The following CELF5 variants were observed in gnomAD, a reference collection of about 807,000 sequenced individuals.
CELF5 encodes the protein CUG-BP and ETR-3 like factor 5.
In CELF5, 6 loss-of-function variants were observed where a neutral mutation model predicts 54.9. That is an observed-to-expected ratio of 0.11 (90% CI 0.06 to 0.22). The LOEUF is 0.22. CELF5 is among the 10% of genes least tolerant of loss of function. The probability of loss-of-function intolerance (pLI) is 1.00; values close to 1 mark genes in which losing one functional copy is unlikely to be tolerated. For synonymous variants in CELF5, 271 were observed against 290.9 expected (o/e 0.93, Z 0.70); for missense variants, 401 against 678.6 (o/e 0.59, Z 4.54).
At chr19:3,249,319 C>T (rs2079615253) in intron 1 of CELF5, among the ~76,000 whole-genome samples, 1 of 152,184 alleles carries the variant, frequency 6.6e-6, no homozygotes, top group Admixed American at 6.5e-5. Flanking sequence ...ATCCCTACCC[C>T]ACCTTGGGGA....
intron 1 of CELF5, among the ~76,000 whole-genome samples, chr19:3,244,239 C>A (rs1555718803): frequency 6.6e-6 from 1 of 151,986 alleles, no homozygotes; most frequent in Non-Finnish European, 1.5e-5. Flanking sequence ...GAGCATGCGT[C>A]TGTGTGTGGC....
Position 3,283,700 on chromosome 19 carries a change from C to T in CELF5, c.1039+1202C>T, listed in dbSNP as rs565513401. Reference sequence around the variant, plus strand: ...AGTTACCAAAATACCACAGAGCAGTCCCAGGTACCCTTCACACAGCTTCCC... The same window carrying T: ...AGTTACCAAAATACCACAGAGCAGTTCCAGGTACCCTTCACACAGCTTCCC... On this transcript the variant is annotated intron_variant, in intron 8 of 12. Transcript: ENST00000292672. Among the ~76,000 whole-genome samples the T allele has an allele frequency of 2.0e-5, 3 of 152,198 alleles. No homozygotes were observed. The East Asian group carries it at 5.8e-4, about 29-fold the overall frequency.
chr19:3,287,597 G>A (rs377547444), intron 10 of CELF5, among the ~76,000 whole-genome samples: 21 of 149,906 alleles, frequency 1.4e-4, no homozygotes, highest in Non-Finnish European at 2.2e-4. Context: ...AAATAAAAAC[G>A]AGGAAAGCTG....
Position 3,228,652 on chromosome 19 carries a change from G to A in CELF5, c.259+3654G>A, listed in dbSNP as rs908021518. 2.6e-5 allele frequency among the ~76,000 whole-genome samples: 4 copies of A among 151,368 alleles called. No homozygotes were observed. The highest frequency in any genetic ancestry group is 9.7e-5 in the African/African-American group (4 of 41,232). ...CCGGCGGGGGCCCGGGTGGGGGCCC[G>A]CGGTTTCCATGGGAGCACCAGCTGC... On this transcript the variant is annotated intron_variant, in intron 1 of 12. Transcript: ENST00000292672. This position sits in a 1 kb window ranked among gnomAD's most constrained non-coding sequence, Gnocchi z 6.0.
intron 10 of CELF5, 105 bp from the exon 11 acceptor site, chr19:3,290,126 G>T: frequency 1.2e-6 from 1 of 837,496 alleles, no homozygotes; most frequent in South Asian, 1.6e-5. Flanking sequence ...CCCCTCTCCC[G>T]ACAGCTGGAG....
In CELF5 at chr19:3,278,493, G is replaced by A. The variant is rs532679181; in HGVS notation, c.603+383G>A. On this transcript the variant is annotated intron_variant, in intron 5 of 12. Coordinates refer to ENST00000292672, the MANE Select transcript of CELF5 (RefSeq NM_021938.4). This position sits in a 1 kb window ranked among gnomAD's most constrained non-coding sequence, Gnocchi z 4.5. Reference sequence around the variant, plus strand: ...AGTGTTATGTGAGTGCTGTGTGCACGAGGGGTGTGCGTAAATATGTATGGA... The same window carrying A: ...AGTGTTATGTGAGTGCTGTGTGCACAAGGGGTGTGCGTAAATATGTATGGA... Among the ~76,000 whole-genome samples the A allele has an allele frequency of 6.6e-6, 1 of 152,160 alleles. No individual in the cohort carries two copies. The highest frequency in any genetic ancestry group is 2.4e-5 in the African/African-American group (1 of 41,504).
At chr19:3,279,648 G>A (rs1030400904) in intron 5 of CELF5, among the ~76,000 whole-genome samples, 2 of 151,624 alleles carry the variant, frequency 1.3e-5, no homozygotes, top group African/African-American at 4.9e-5. Flanking sequence ...CCCCAGAGTC[G>A]GGGTGTGGGC....
In CELF5 at chr19:3,281,472, C is replaced by T. The variant is rs576731852; in HGVS notation, c.750+127C>T. ...GGGTCCTCTCCTGGCGTGGCTGAAC[C>T]CCAACTCCAAATTGAGACCAAGCTC... On this transcript the variant is annotated intron_variant, in intron 6 of 12. Transcript: ENST00000292672. This position sits in a 1 kb window ranked among gnomAD's most constrained non-coding sequence, Gnocchi z 6.5. 7 of 1,062,502 alleles carry T rather than the reference C, an allele frequency of 6.6e-6. No individual in the cohort carries two copies. In the East Asian group the frequency reaches 1.5e-4, roughly 22 times the overall value. The allele number at this position is 1,062,502 out of a possible 1,614,324, so 65.8% of individuals were successfully genotyped here.
chr19:3,230,640 G>T (rs1161188382), intron 1 of CELF5, among the ~76,000 whole-genome samples: 1 of 152,186 alleles, frequency 6.6e-6, no homozygotes, highest in African/African-American at 2.4e-5. Context: ...AGAGTTTAGA[G>T]CAGGGAGGAA....
At chr19:3,245,226 A>T (rs1346754452) in intron 1 of CELF5, among the ~76,000 whole-genome samples, 1 of 113,250 alleles carries the variant, frequency 8.8e-6, no homozygotes, top group Admixed American at 9.5e-5. Flanking sequence ...TGGGTGTGTG[A>T]TGTGTATATG....
chr19:3,241,837 G>A (rs535254841), intron 1 of CELF5, among the ~76,000 whole-genome samples: 5 of 152,028 alleles, frequency 3.3e-5, no homozygotes, highest in Admixed American at 1.3e-4. Flanking sequence ...GTGCAGTGGC[G>A]CGACCTCGGC....
chr19:3,244,959 C>T (rs577878148), intron 1 of CELF5, among the ~76,000 whole-genome samples: 4 of 128,332 alleles, frequency 3.1e-5, no homozygotes, highest in African/African-American at 1.2e-4. Context: ...GTGCATGCAT[C>T]TTGTCTGCGT....
Position 3,229,571 on chromosome 19 carries a change from G to A in CELF5, c.259+4573G>A, listed in dbSNP as rs991893282. 4.6e-5 allele frequency among the ~76,000 whole-genome samples: 7 copies of A among 152,232 alleles called. No individual in the cohort carries two copies. In the East Asian group the frequency reaches 9.6e-4, roughly 21 times the overall value. On this transcript the variant is annotated intron_variant, in intron 1 of 12. Coordinates refer to ENST00000292672, the MANE Select transcript of CELF5 (RefSeq NM_021938.4). Reference sequence around the variant, plus strand: ...GATGAGATGAGTCTGGTTTCCCTGCGTCTTGTGGCCTTGGGCAGATGTCTT... The same window carrying A: ...GATGAGATGAGTCTGGTTTCCCTGCATCTTGTGGCCTTGGGCAGATGTCTT...
At chr19:3,285,356 C>T (rs1217259374) in intron 9 of CELF5, among the ~76,000 whole-genome samples, 2 of 147,618 alleles carry the variant, frequency 1.4e-5, no homozygotes, top group East Asian at 2.1e-4. Context: ...TCACTTCCTG[C>T]CTTTACTCTG....
chr19:3,251,675 G>T (rs56341770), intron 2 of CELF5, among the ~76,000 whole-genome samples: 21,013 of 56,506 alleles, frequency 0.37, 2,614 homozygotes, highest in Non-Finnish European at 0.45. Flanking sequence ...TTTTTTTTTT[G>T]TTGTTGTTGT....
intron 1 of CELF5, among the ~76,000 whole-genome samples, chr19:3,235,943 G>C (rs1443770611): frequency 6.6e-6 from 1 of 152,102 alleles, no homozygotes; most frequent in Non-Finnish European, 1.5e-5. Flanking sequence ...GGAAATTTCT[G>C]GTGTAGTGAT....
Position 3,293,483 on chromosome 19 carries a change from C to T in CELF5, c.*37C>T, listed in dbSNP as rs747904741. 1.9e-6 allele frequency: 3 copies of T among 1,603,808 alleles called. No individual in the cohort carries two copies. The highest frequency in any genetic ancestry group is 1.3e-5 in the African/African-American group (1 of 74,666). On this transcript the variant is annotated 3_prime_UTR_variant, in exon 12 of 13. Coordinates refer to ENST00000292672, the MANE Select transcript of CELF5 (RefSeq NM_021938.4). The stretch of plus-strand genomic sequence containing the variant: ...GCCGCCCTGAGGCTGTAGGCATGGC[C>T]CAGGTGAGCCGCCAGGCGGCCCCAC...
At chr19:3,295,696 CCA>C (rs1000030484) in intron 12 of CELF5, 1 of 153,144 alleles carries the variant, frequency 6.5e-6, no homozygotes, top group African/African-American at 2.4e-5. Flanking sequence ...CCTCCAGACC[CCA>C]CCTCGCCCCT....
chr19:3,280,848 G>A (rs764085635), intron 5 of CELF5, among the ~76,000 whole-genome samples: 1 of 152,154 alleles, frequency 6.6e-6, no homozygotes, highest in Admixed American at 6.5e-5. Flanking sequence ...CCTGTTCTCA[G>A]GTGAGCGGAA....
Sources: gnomAD v4.1 joint callset for allele counts (sites outside exome capture counted in the v4.1 genomes callset) on GRCh38, gnomAD v4.1.1 for gene constraint, Gnocchi (gnomAD v3.1) non-coding constraint, MANE v1.5 for transcripts, NCBI Gene and HGNC (gene_info 2026-07-23, HGNC 2026-07-21) for gene names.